The following PTPRN2 variants were observed in gnomAD, a reference collection of about 807,000 sequenced individuals.
PTPRN2 encodes the protein receptor-type tyrosine-protein phosphatase N2.
Under a neutral mutation model 118.8 loss-of-function variants are expected in PTPRN2, and 74 were observed. The ratio of observed to expected loss-of-function variants is 0.62; its 90% CI spans 0.52 to 0.76. The LOEUF is 0.76. Ranked by LOEUF, PTPRN2 falls within the 30% of genes least tolerant of loss-of-function variation. The pLI is 0.00. For missense variants in PTPRN2, 1,481 were observed against 1,394.4 expected, an observed-to-expected ratio of 1.06 and a Z score of -0.99; for synonymous variants, 641 against 608.0, an observed-to-expected ratio of 1.05 and a Z score of -0.80.
At position 157,550,067 on chromosome 7, in the gene PTPRN2, C is replaced by T. The variant is rs775089937; in HGVS notation, c.2903-1048G>A. Among the ~76,000 whole-genome samples, 14 of 152,344 alleles carry T rather than the reference C, an allele frequency of 9.2e-5. No homozygotes were observed. The East Asian group carries it at 1.7e-3, about 19-fold the overall frequency. On this transcript the variant is annotated intron_variant, in intron 21 of 22. Transcript: ENST00000389418. The surrounding 1 kb of genome is among the most constrained non-coding windows in gnomAD (Gnocchi z 5.2). ...CGCTGGCCGAAGACCTGAGGAGGCC[C>T]GGGTGGCCCAGAGTCAGGTGGTCCC... is the stretch of plus-strand genomic sequence containing the variant.
intron 1 of PTPRN2, among the ~76,000 whole-genome samples, chr7:158,586,843 G>C (rs562057926): frequency 1.3e-5 from 2 of 152,270 alleles, no homozygotes; most frequent in South Asian, 2.1e-4. Flanking sequence ...GAACACGAGC[G>C]GGGGGCGCAC....
At chr7:158,316,107 G>C (rs78344352) in intron 3 of PTPRN2, among the ~76,000 whole-genome samples, 1 of 152,170 alleles carries the variant, frequency 6.6e-6, no homozygotes, top group Admixed American at 6.5e-5. Flanking sequence ...GCCAGCCGCC[G>C]GGGGGCAGGT....
intron 16 of PTPRN2, among the ~76,000 whole-genome samples, chr7:157,601,374 A>G (rs915973324): frequency 2.6e-5 from 4 of 152,078 alleles, no homozygotes; most frequent in African/African-American, 7.3e-5. Flanking sequence ...GGTAATTATC[A>G]TTGTACCTTC....
intron 3 of PTPRN2, among the ~76,000 whole-genome samples, chr7:158,279,105 C>T (rs140458669): frequency 3.9e-4 from 60 of 152,348 alleles, no homozygotes; most frequent in African/African-American, 1.3e-3. Flanking sequence ...TGGGACCCAA[C>T]CGGTTTGCTG....
chr7:157,885,216 C>T (rs13231911), intron 12 of PTPRN2, among the ~76,000 whole-genome samples: 72,478 of 151,840 alleles, frequency 0.48, 18,508 homozygotes, highest in Middle Eastern at 0.59. Context: ...GATGCCAGGG[C>T]GGTCTCAAGG....
At chr7:158,067,225 C>G (rs1433442593) in intron 11 of PTPRN2, among the ~76,000 whole-genome samples, 1 of 152,218 alleles carries the variant, frequency 6.6e-6, no homozygotes, top group African/African-American at 2.4e-5. Flanking sequence ...TTCAGCGAAG[C>G]CTCCTCCTGC....
chr7:157,873,248 G>A (rs879912061), intron 12 of PTPRN2, among the ~76,000 whole-genome samples: 3 of 152,354 alleles, frequency 2.0e-5, no homozygotes, highest in Admixed American at 6.5e-5. Flanking sequence ...CGCCACCAGC[G>A]AGTGCTGAGC....
intron 3 of PTPRN2, among the ~76,000 whole-genome samples, chr7:158,246,144 T>C (rs1434334388): frequency 4.6e-5 from 7 of 152,040 alleles, no homozygotes; most frequent in African/African-American, 7.2e-5. Flanking sequence ...GATTGATTGA[T>C]TGATTGATAA....
chr7:158,565,518 G>T lies in PTPRN2; in HGVS notation c.112+22040C>A, dbSNP rs537881346. Among the ~76,000 whole-genome samples, 72 of 152,172 alleles carry T rather than the reference G, an allele frequency of 4.7e-4. No homozygotes were observed. Among genetic ancestry groups the T allele is most frequent in the Middle Eastern group, 3.4e-3 (1 of 294 alleles). On this transcript the variant is annotated intron_variant, in intron 1 of 22. Coordinates refer to ENST00000389418, the MANE Select transcript of PTPRN2 (RefSeq NM_002847.5). The surrounding 1 kb of genome is among the most constrained non-coding windows in gnomAD (Gnocchi z 4.6). ...CAGCTTTGCTCAGAATTCCAAACAG[G>T]GCCTCAGCTCAATGGTGAGAAATCT... is the stretch of plus-strand genomic sequence containing the variant.
intron 12 of PTPRN2, among the ~76,000 whole-genome samples, chr7:157,853,261 G>A (rs543546099): frequency 6.6e-6 from 1 of 152,206 alleles, no homozygotes; most frequent in Non-Finnish European, 1.5e-5. Context: ...ACGCTCACAT[G>A]ATGACGGCCG....
intron 6 of PTPRN2, among the ~76,000 whole-genome samples, chr7:158,142,913 G>A (rs966681933): frequency 3.3e-5 from 5 of 152,066 alleles, no homozygotes; most frequent in East Asian, 1.9e-4. Flanking sequence ...GATGTGCTCC[G>A]GAATTAAAGG....
At chr7:158,104,380 C>G (rs557430896) in intron 10 of PTPRN2, among the ~76,000 whole-genome samples, 1 of 152,226 alleles carries the variant, frequency 6.6e-6, no homozygotes, top group South Asian at 2.1e-4. Flanking sequence ...AGCAAAGATA[C>G]CGCTGTGAAA....
chr7:158,343,261 C>A (rs1009111423), intron 2 of PTPRN2, among the ~76,000 whole-genome samples: 5 of 152,222 alleles, frequency 3.3e-5, no homozygotes, highest in Non-Finnish European at 7.4e-5. Flanking sequence ...GACTTTTCTC[C>A]AGAGAAGATG....
intron 21 of PTPRN2, among the ~76,000 whole-genome samples, chr7:157,565,880 G>T (rs964383169): frequency 1.5e-4 from 23 of 152,188 alleles, no homozygotes; most frequent in Non-Finnish European, 2.9e-5. Context: ...AAACGCATCT[G>T]CTGCCACAGA....
chr7:158,549,458 G>A (rs1363452429), intron 1 of PTPRN2, among the ~76,000 whole-genome samples: 1 of 152,256 alleles, frequency 6.6e-6, no homozygotes, highest in African/African-American at 2.4e-5. Context: ...GCGCCTCACT[G>A]AGTCCATTGG....
intron 11 of PTPRN2, among the ~76,000 whole-genome samples, chr7:158,047,071 C>T (rs922545744): frequency 7.8e-4 from 119 of 152,354 alleles, no homozygotes; most frequent in African/African-American, 2.8e-3. Context: ...TCCAGATACA[C>T]TCAACTCAAA....
chr7:158,252,646 A>G (rs1336036492), intron 3 of PTPRN2, among the ~76,000 whole-genome samples: 4 of 152,326 alleles, frequency 2.6e-5, no homozygotes, highest in South Asian at 2.1e-4. Context: ...CAGGGAAGCC[A>G]CCACGCCAGC....
intron 12 of PTPRN2, among the ~76,000 whole-genome samples, chr7:157,731,491 C>CCATGCGCCCAGCACA (rs1799903052): frequency 1.3e-5 from 2 of 151,716 alleles, no homozygotes; most frequent in Non-Finnish European, 1.5e-5. Context: ...TACCCTTTCC[C>CCATGCGCCCAGCACA]GTCCCATGCG....
intron 4 of PTPRN2, among the ~76,000 whole-genome samples, chr7:158,199,669 G>GTA (rs1563593884): frequency 2.0e-5 from 2 of 102,494 alleles, no homozygotes; most frequent in African/African-American, 2.9e-5. Context: ...ACATGGAGTG[G>GTA]AGAAAGCCAG....
Sources: allele counts gnomAD v4.1 joint callset (sites outside exome capture counted in the v4.1 genomes callset), GRCh38; gene constraint gnomAD v4.1.1; non-coding constraint Gnocchi (gnomAD v3.1); transcripts MANE v1.5; gene names NCBI Gene and HGNC (gene_info 2026-07-23, HGNC 2026-07-21).